RNF111: variants seen among roughly 807,000 people sequenced by gnomAD.
RNF111 encodes ring finger protein 111.
A neutral mutation model predicts 95.1 loss-of-function variants in RNF111; 17 were observed. The observed-to-expected ratio is 0.18, with a 90% confidence interval of 0.12 to 0.27. The LOEUF (loss-of-function observed/expected upper bound fraction) is 0.27. Among genes scored for constraint, RNF111 ranks in the 10% least tolerant of loss-of-function variants. The pLI, the probability that RNF111 is intolerant of heterozygous loss-of-function variation, is 1.00. For missense variants in RNF111, 1,189 were observed against 1,210.4 expected (o/e 0.98, Z 0.26); for synonymous variants, 440 against 414.8 (o/e 1.06, Z -0.74).
chr15:59,078,617 G>A (rs1338386779), intron 7 of RNF111, among the ~76,000 whole-genome samples: 1 of 151,376 alleles, frequency 6.6e-6, no homozygotes, highest in Non-Finnish European at 1.5e-5. Flanking sequence ...CAGCACTTTC[G>A]GGAGGCCGAG....
rs767884130 is a variant in RNF111, at chr15:59,052,369, A to C, written c.945A>C (p.Glu315Asp). 6.2e-7 allele frequency: 1 copy of C among 1,607,234 alleles called. No individual in the cohort carries two copies. The highest frequency in any genetic ancestry group is 1.3e-5 in the African/African-American group (1 of 74,916). The change falls in exon 3 of 14, where the codon GAA becomes GAC. Residue 315 changes from glutamate (E) to aspartate (D), a missense_variant. Transcript: ENST00000348370. ...ASSTPQVTANEEINVTSTDSE... is the reference protein window; with the variant it reads ...ASSTPQVTANDEINVTSTDSE... ...CCACTCCCCAGGTTACTGCCAATGA[A>C]GAAATTAATGTTACCTCAACTGACA...
At chr15:59,060,233 A>G (rs1332791901) in intron 5 of RNF111, among the ~76,000 whole-genome samples, 2 of 151,980 alleles carry the variant, frequency 1.3e-5, no homozygotes, top group African/African-American at 4.8e-5. Flanking sequence ...CTTTTATTTC[A>G]TTTGTTGAGT....
chr15:59,064,380 A>C (rs1359039400), intron 5 of RNF111, among the ~76,000 whole-genome samples: 2 of 151,748 alleles, frequency 1.3e-5, no homozygotes. Flanking sequence ...CTAAAAATAC[A>C]AAAAAATTAG....
intron 4 of RNF111, among the ~76,000 whole-genome samples, chr15:59,056,718 T>C (rs1269515206): frequency 6.6e-6 from 1 of 152,216 alleles, no homozygotes; most frequent in African/African-American, 2.4e-5. Flanking sequence ...ACTGTTTGCA[T>C]TTCATTCAAC....
intron 7 of RNF111, among the ~76,000 whole-genome samples, chr15:59,078,968 T>C (rs898210367): frequency 1.3e-5 from 2 of 152,196 alleles, no homozygotes; most frequent in African/African-American, 4.8e-5. Flanking sequence ...GAGTAAATGT[T>C]GGAATAAAGC....
At chr15:59,088,332 A>G (rs112497414) in intron 10 of RNF111, among the ~76,000 whole-genome samples, 6 of 152,288 alleles carry the variant, frequency 3.9e-5, no homozygotes, top group African/African-American at 1.4e-4. Flanking sequence ...GAAGATTTAG[A>G]TAATTTGGGA....
intron 5 of RNF111, among the ~76,000 whole-genome samples, chr15:59,060,766 C>T (rs1362166195): frequency 6.6e-6 from 1 of 151,390 alleles, no homozygotes; most frequent in Non-Finnish European, 1.5e-5. Context: ...CTCCTGTCTC[C>T]TGTTGTAGCT....
intron 6 of RNF111, among the ~76,000 whole-genome samples, chr15:59,067,673 A>G (rs916028386): frequency 6.6e-6 from 1 of 152,206 alleles, no homozygotes; most frequent in Admixed American, 6.5e-5. Context: ...ACTTTTTAAA[A>G]AGGCTTTTGA....
intron 1 of RNF111, among the ~76,000 whole-genome samples, chr15:58,999,632 G>A (rs1253600671): frequency 2.0e-5 from 3 of 152,102 alleles, no homozygotes; most frequent in Admixed American, 1.3e-4. Context: ...CACTGTGCCC[G>A]GCCTATTACT....
At chr15:59,046,017 C>T (rs1385259249) in intron 2 of RNF111, among the ~76,000 whole-genome samples, 7 of 152,176 alleles carry the variant, frequency 4.6e-5, no homozygotes, top group Non-Finnish European at 1.0e-4. Context: ...AATATTTTCA[C>T]ATCTCATAAC....
At chr15:59,056,490 C>T (rs1427414515) in intron 4 of RNF111, among the ~76,000 whole-genome samples, 6 of 152,100 alleles carry the variant, frequency 3.9e-5, no homozygotes, top group African/African-American at 1.4e-4. Context: ...AATGGTCACT[C>T]ATAATTTCCC....
chr15:59,081,473 G>GTTT (rs1566940292), intron 8 of RNF111, among the ~76,000 whole-genome samples, 189 bp downstream of exon 8: 2 of 150,794 alleles, frequency 1.3e-5, no homozygotes, highest in African/African-American at 4.9e-5. Flanking sequence ...GTGAAATACT[G>GTTT]TTTTTTGTTG....
chr15:59,015,243 G>C (rs1363306751), intron 1 of RNF111, among the ~76,000 whole-genome samples: 1 of 152,048 alleles, frequency 6.6e-6, no homozygotes, highest in Non-Finnish European at 1.5e-5. Context: ...AGTCACTTAT[G>C]TTTTCCTTAT....
At chr15:59,020,428 CA>C (rs1341331448) in intron 1 of RNF111, among the ~76,000 whole-genome samples, 17 of 151,834 alleles carry the variant, frequency 1.1e-4, no homozygotes, top group African/African-American at 3.9e-4. Context: ...GCCACCCTAC[CA>C]AAAAAGAACT....
At chr15:59,052,569 A>ATTTTTTTTT (rs768761060) in intron 3 of RNF111, 138 bp downstream of exon 3, 1 of 238,450 alleles carries the variant, frequency 4.2e-6, no homozygotes, top group Non-Finnish European at 7.2e-6. Flanking sequence ...AGATTAGTGG[A>ATTTTTTTTT]TTTTTTTTTT....
At position 59,052,383 on chromosome 15, in the gene RNF111, C is replaced by A; in HGVS notation, c.959C>A (p.Thr320Asn). The A allele has an allele frequency of 6.2e-7, 1 of 1,603,552 alleles. No individual in the cohort carries two copies. The highest frequency in any genetic ancestry group is 8.5e-7 in the Non-Finnish European group (1 of 1,175,516). ...ACTGCCAATGAAGAAATTAATGTTA[C>A]CTCAACTGACAGTGAAGTGGAGATT... ...QVTANEEINV[T>N]STDSEVEIVT... The change falls in exon 3 of 14, where the codon ACC (threonine) becomes AAC (asparagine). Residue 320 changes from threonine (T) to asparagine (N), a missense_variant. Around this residue, in one of 2 missense-constraint regions of RNF111, gnomAD observed 1,024 missense variants for 925.9 expected, o/e 1.11. Coordinates refer to ENST00000348370, the MANE Select transcript of RNF111 (RefSeq NM_017610.8).
At chr15:59,004,167 G>T (rs772807682) in intron 1 of RNF111, 172 of 1,201,836 alleles carry the variant, frequency 1.4e-4, no homozygotes, top group Non-Finnish European at 1.8e-4. Context: ...TGGATTAGCA[G>T]TTTTAAGGTC....
intron 2 of RNF111, among the ~76,000 whole-genome samples, chr15:59,032,128 G>A (rs1185073196): frequency 2.0e-5 from 3 of 151,986 alleles, no homozygotes; most frequent in African/African-American, 4.8e-5. Flanking sequence ...TAGTGGAGAC[G>A]GGGTTTCACT....
At chr15:58,999,778 AAGGTTCCAT>A (rs2039243973) in intron 1 of RNF111, among the ~76,000 whole-genome samples, 1 of 152,196 alleles carries the variant, frequency 6.6e-6, no homozygotes, top group African/African-American at 2.4e-5. Context: ...TAATTGGCTC[AAGGTTCCAT>A]AGGTTTTATA....
Sources: gnomAD v4.1 joint callset for allele counts (sites outside exome capture counted in the v4.1 genomes callset) on GRCh38, gnomAD v4.1.1 for gene constraint, gnomAD v4.1.1 regional missense constraint, MANE v1.5 for transcripts, NCBI Gene and HGNC (gene_info 2026-07-23, HGNC 2026-07-21) for gene names.